MAST4: variants seen among roughly 807,000 people sequenced by gnomAD.
The protein encoded by MAST4 is microtubule associated serine/threonine kinase family member 4, also known as microtubule-associated serine/threonine-protein kinase 4.
Under a neutral mutation model 162.7 loss-of-function variants are expected in MAST4, and 89 were observed. The observed-to-expected ratio is 0.55, with a 90% CI of 0.46 to 0.65. The LOEUF (loss-of-function observed/expected upper bound fraction) is 0.65, where lower values mean the gene tolerates loss of function less well. Ranked by LOEUF, MAST4 falls within the 30% of genes least tolerant of loss-of-function variation. MAST4 has a pLI of 0.00. For missense variants in MAST4, 3,153 were observed against 3,374.0 expected (o/e 0.93, Z 1.62); for synonymous variants, 1,479 against 1,361.1 (o/e 1.09, Z -1.91).
intron 1 of MAST4, among the ~76,000 whole-genome samples, chr5:66,702,475 C>T (rs560479513): frequency 7.4e-4 from 113 of 152,068 alleles, no homozygotes; most frequent in African/African-American, 2.4e-3. Context: ...GGGCCATGGA[C>T]GGATGCTGTG....
intron 1 of MAST4, among the ~76,000 whole-genome samples, chr5:66,658,991 C>CCTGAGCGAACTGCACTCT (rs1746729045): frequency 6.6e-6 from 1 of 151,978 alleles, no homozygotes; most frequent in Non-Finnish European, 1.5e-5. Flanking sequence ...CACTGCACTC[C>CCTGAGCGAACTGCACTCT]AGCCTGAGCG....
intron 3 of MAST4, among the ~76,000 whole-genome samples, chr5:66,801,902 G>A (rs1370270152): frequency 6.6e-6 from 1 of 152,156 alleles, no homozygotes; most frequent in Non-Finnish European, 1.5e-5. Flanking sequence ...TTGAAAAGCT[G>A]CAGAATTTAT....
intron 9 of MAST4, among the ~76,000 whole-genome samples, chr5:67,103,943 A>C (rs768995807): frequency 2.0e-5 from 3 of 152,234 alleles, no homozygotes; most frequent in Non-Finnish European, 4.4e-5. Context: ...AGAACACAGA[A>C]AAGGGAGATT....
intron 7 of MAST4, among the ~76,000 whole-genome samples, chr5:67,098,481 T>C (rs1268350045): frequency 6.6e-6 from 1 of 152,186 alleles, no homozygotes; most frequent in East Asian, 1.9e-4. Flanking sequence ...TAAATTATTT[T>C]CTGCTGAAAG....
At chr5:66,907,555 C>T (rs1168608630) in intron 4 of MAST4, among the ~76,000 whole-genome samples, 1 of 148,388 alleles carries the variant, frequency 6.7e-6, no homozygotes, top group Non-Finnish European at 1.5e-5. Context: ...AGGAAGTGAG[C>T]TTCTATATAA....
chr5:66,825,141 G>T (rs567116274), intron 3 of MAST4, among the ~76,000 whole-genome samples: 1 of 151,822 alleles, frequency 6.6e-6, no homozygotes, highest in South Asian at 2.1e-4. Flanking sequence ...AAATTCTTTC[G>T]CAATATCACT....
chr5:66,831,193 A>G (rs1007989197), intron 3 of MAST4, among the ~76,000 whole-genome samples: 1 of 152,198 alleles, frequency 6.6e-6, no homozygotes, highest in African/African-American at 2.4e-5. Context: ...TGCTTATGAA[A>G]TGAACTTGTT....
At chr5:66,624,979 G>A (rs1744330870) in intron 1 of MAST4, among the ~76,000 whole-genome samples, 2 of 152,108 alleles carry the variant, frequency 1.3e-5, no homozygotes, top group African/African-American at 2.4e-5. Flanking sequence ...AAGCAAAAAT[G>A]GTATTACATA....
chr5:66,832,245 G>A (rs1222844524), intron 3 of MAST4, among the ~76,000 whole-genome samples: 3 of 151,974 alleles, frequency 2.0e-5, no homozygotes, highest in Non-Finnish European at 4.4e-5. Flanking sequence ...TCCACTTCCA[G>A]ACTCTCACGT....
intron 5 of MAST4, among the ~76,000 whole-genome samples, chr5:67,085,301 A>C (rs1351627542): frequency 6.6e-6 from 1 of 152,088 alleles, no homozygotes; most frequent in Non-Finnish European, 1.5e-5. Context: ...ACCCTATCTA[A>C]ATCACCATCT....
At chr5:66,664,983 T>C (rs766381117) in intron 1 of MAST4, among the ~76,000 whole-genome samples, 11 of 152,174 alleles carry the variant, frequency 7.2e-5, no homozygotes, top group Non-Finnish European at 2.9e-5. Flanking sequence ...TGAAGAGTTA[T>C]GTGTAATGTG....
chr5:66,653,540 C>A (rs951821518), intron 1 of MAST4, among the ~76,000 whole-genome samples: 1 of 152,228 alleles, frequency 6.6e-6, no homozygotes, highest in Admixed American at 6.5e-5. Context: ...TCTTTCTAAT[C>A]TGGCCCTTCA....
Position 66,679,043 on chromosome 5 carries a change from C to T in MAST4, c.364-80666C>T, listed in dbSNP as rs75341502. Among the ~76,000 whole-genome samples, 28 of 152,300 alleles carry T rather than the reference C, an allele frequency of 1.8e-4. No individual in the cohort carries two copies. In the East Asian group the frequency reaches 4.8e-3, roughly 26 times the overall value. On this transcript the variant is annotated intron_variant, in intron 1 of 28. Coordinates refer to ENST00000403625, the MANE Select transcript of MAST4 (RefSeq NM_001164664.2). ...CTGACCTCAGGTGATCCGCCTGCCT[C>T]GGCCTCCTGAAGTCTGAGATTACAG...
chr5:66,682,676 G>A (rs1392544014), intron 1 of MAST4, among the ~76,000 whole-genome samples: 2 of 152,332 alleles, frequency 1.3e-5, no homozygotes, highest in African/African-American at 4.8e-5. Flanking sequence ...GCCGTTGGTA[G>A]CAATCTACTT....
At chr5:66,964,877 A>G (rs939028103) in intron 4 of MAST4, among the ~76,000 whole-genome samples, 4 of 152,242 alleles carry the variant, frequency 2.6e-5, no homozygotes, top group Admixed American at 1.3e-4. Flanking sequence ...AAATTTTTTT[A>G]TGAATATTTT....
intron 4 of MAST4, among the ~76,000 whole-genome samples, chr5:66,937,965 CTTG>C (rs1449799973): frequency 1.3e-5 from 2 of 151,650 alleles, no homozygotes; most frequent in Admixed American, 6.6e-5. Context: ...ACCACCTTTT[CTTG>C]TTGTCATTGG....
chr5:67,089,081 G>A (rs1236481157), intron 5 of MAST4, among the ~76,000 whole-genome samples: 1 of 152,204 alleles, frequency 6.6e-6, no homozygotes, highest in East Asian at 1.9e-4. Flanking sequence ...TAAGAAACCA[G>A]TAATGTGGCA....
intron 1 of MAST4, among the ~76,000 whole-genome samples, chr5:66,653,644 C>T (rs1489524732): frequency 6.6e-6 from 1 of 152,152 alleles, no homozygotes; most frequent in Non-Finnish European, 1.5e-5. Context: ...TTCACATCTC[C>T]TCCTTGGCAT....
chr5:66,937,593 A>G (rs1034509628), intron 4 of MAST4, among the ~76,000 whole-genome samples: 20 of 152,108 alleles, frequency 1.3e-4, no homozygotes, highest in African/African-American at 4.8e-4. Flanking sequence ...ATTTTTAACA[A>G]GGGTAGACAT....
Sources: gnomAD v4.1 joint callset for allele counts (sites outside exome capture counted in the v4.1 genomes callset) on GRCh38, gnomAD v4.1.1 for gene constraint, MANE v1.5 for transcripts, NCBI Gene and HGNC (gene_info 2026-07-23, HGNC 2026-07-21) for gene names.